The following ANKRD11 variants were observed in gnomAD, a reference collection of about 807,000 sequenced individuals.
ANKRD11 encodes ankyrin repeat domain-containing protein 11.
Under a neutral mutation model 195.7 loss-of-function variants are expected in ANKRD11, and 17 were observed. The ratio of observed to expected loss-of-function variants is 0.09; its 90% CI spans 0.06 to 0.13. The LOEUF (loss-of-function observed/expected upper bound fraction) is 0.13. Among genes scored for constraint, ANKRD11 ranks in the 10% least tolerant of loss-of-function variants. The pLI, the probability that ANKRD11 is intolerant of heterozygous loss-of-function variation, is 1.00. For missense variants in ANKRD11, 3,735 were observed against 3,566.1 expected, an observed-to-expected ratio of 1.05 and a Z score of -1.21; for synonymous variants, 1,953 against 1,528.1, an observed-to-expected ratio of 1.28 and a Z score of -6.49.
intron 2 of ANKRD11, among the ~76,000 whole-genome samples, chr16:89,378,384 T>C (rs1454571944): frequency 6.6e-6 from 1 of 152,208 alleles, no homozygotes; most frequent in Non-Finnish European, 1.5e-5. Flanking sequence ...ATATAATGAT[T>C]TCATCAACGT....
Position 89,342,040 on chromosome 16 carries a change from C to A in ANKRD11, c.-59-24962G>T, listed in dbSNP as rs955908182. On this transcript the variant is annotated intron_variant, in intron 2 of 12. Coordinates refer to ENST00000301030, the MANE Select transcript of ANKRD11 (RefSeq NM_013275.6). ...AGTGCTGCACCTCCACTGCCCACAG[C>A]GGCCACGGCCCACGGCGGGAGTGCT... 2.1e-3 allele frequency among the ~76,000 whole-genome samples: 183 copies of A among 88,856 alleles called. 3 individuals are homozygous for A. The highest frequency in any genetic ancestry group is 0.014 in the Middle Eastern group (2 of 140). The allele number at this position is 88,856 out of a possible 152,430, so 58.3% of individuals were successfully genotyped here.
At chr16:89,418,123 A>T (rs1302522451) in intron 2 of ANKRD11, among the ~76,000 whole-genome samples, 161 bp downstream of exon 2, 1 of 152,276 alleles carries the variant, frequency 6.6e-6, no homozygotes, top group African/African-American at 2.4e-5. Flanking sequence ...TACCACTCTG[A>T]ATACACTCTA....
intron 1 of ANKRD11, among the ~76,000 whole-genome samples, chr16:89,471,999 C>T (rs1159282620): frequency 6.6e-6 from 1 of 152,022 alleles, no homozygotes; most frequent in African/African-American, 2.4e-5. Context: ...GACACATCTC[C>T]TAGAATAAAA....
At chr16:89,485,457 G>A (rs901831663) in intron 1 of ANKRD11, among the ~76,000 whole-genome samples, 2 of 152,118 alleles carry the variant, frequency 1.3e-5, no homozygotes, top group African/African-American at 2.4e-5. Context: ...TCGTGCCACT[G>A]CACTCCAGCC....
At chr16:89,309,257 T>C (rs959024877) in intron 3 of ANKRD11, among the ~76,000 whole-genome samples, 1 of 152,056 alleles carries the variant, frequency 6.6e-6, no homozygotes, top group African/African-American at 2.4e-5. Context: ...AGGGAGAGAA[T>C]GCCAACAGGA....
At chr16:89,401,903 A>C (rs1357589335) in intron 2 of ANKRD11, among the ~76,000 whole-genome samples, 20 of 125,094 alleles carry the variant, frequency 1.6e-4, no homozygotes, top group South Asian at 2.9e-4. Context: ...AGACTCCCCC[A>C]TCCCCCAGAA....
rs185788175 is a variant in ANKRD11 at position 89,382,237 on chromosome 16, C to G, written c.-60+36047G>C. Among the ~76,000 whole-genome samples, 4 of 152,214 alleles carry G rather than the reference C, an allele frequency of 2.6e-5. No homozygotes were observed. In the East Asian group the frequency reaches 7.7e-4, roughly 29 times the overall value. ...GCCACTGACCAGGGCAGGAGTGACC[C>G]AAGCAAAGTTAAAAGGTGTCTAGAA... On this transcript the variant is annotated intron_variant, in intron 2 of 12. Coordinates refer to ENST00000301030, the MANE Select transcript of ANKRD11 (RefSeq NM_013275.6).
chr16:89,280,524 C>T lies in ANKRD11; in HGVS notation c.6018G>A (p.Gly2006=). 6.2e-7 allele frequency: 1 copy of T among 1,611,300 alleles called. No homozygotes were observed. Among genetic ancestry groups the T allele is most frequent in the Non-Finnish European group, 8.5e-7 (1 of 1,179,402 alleles). ...PADPLHSAAP[G]PFSASEAPYP... Reference sequence around the variant, plus strand: ...ACGGCGCCTCCGAGGCGCTGAAGGGCCCTGGGGCGGCAGAGTGGAGGGGGT... The same window carrying T: ...ACGGCGCCTCCGAGGCGCTGAAGGGTCCTGGGGCGGCAGAGTGGAGGGGGT... The change falls in exon 9 of 13, where the codon GGG becomes GGA. Residue 2006 remains glycine, a synonymous_variant. Transcript: ENST00000301030.
At chr16:89,296,979 CAGTGTCCAGGA>C (rs1415309395) in intron 4 of ANKRD11, among the ~76,000 whole-genome samples, 1 of 152,192 alleles carries the variant, frequency 6.6e-6, no homozygotes, top group Admixed American at 6.5e-5. Flanking sequence ...CCTGATAGCC[CAGTGTCCAGGA>C]AGTGTGGCCC....
At chr16:89,375,443 C>A (rs2040380623) in intron 2 of ANKRD11, among the ~76,000 whole-genome samples, 1 of 144,548 alleles carries the variant, frequency 6.9e-6, no homozygotes, top group Non-Finnish European at 1.5e-5. Context: ...CCCGCCCAGG[C>A]AACACAGCAA....
intron 11 of ANKRD11, chr16:89,272,182 A>G (rs1008590673): frequency 6.6e-5 from 10 of 152,226 alleles, no homozygotes; most frequent in African/African-American, 2.2e-4. Flanking sequence ...GCAATTCAAA[A>G]CTACCGTGAG....
chr16:89,298,923 T>C (rs1357828191), intron 4 of ANKRD11: 1 of 152,250 alleles, frequency 6.6e-6, no homozygotes, highest in Non-Finnish European at 1.5e-5. Flanking sequence ...AGTGCCTGAA[T>C]GTGGTGGCTC....
chr16:89,459,698 C>T (rs1217849866), intron 1 of ANKRD11, among the ~76,000 whole-genome samples: 1 of 152,080 alleles, frequency 6.6e-6, no homozygotes, highest in Non-Finnish European at 1.5e-5. Flanking sequence ...GTGGCCCATG[C>T]TTGTAATCCC....
At chr16:89,464,556 C>G (rs555470224) in intron 1 of ANKRD11, among the ~76,000 whole-genome samples, 43 of 136,932 alleles carry the variant, frequency 3.1e-4, no homozygotes, top group African/African-American at 1.1e-3. Flanking sequence ...TGTAGTGAGC[C>G]AAGATCGCAA....
At chr16:89,384,879 C>CTTTTTTTTTTTTTCTTTTTTTTTTTTTTT (rs2040834686) in intron 2 of ANKRD11, among the ~76,000 whole-genome samples, 1 of 49,910 alleles carries the variant, frequency 2.0e-5, no homozygotes, top group Non-Finnish European at 3.5e-5. Flanking sequence ...AAATAGTTTT[C>CTTTTTTTTTTTTTCTTTTTTTTTTTTTTT]TTTTTTTTTT....
chr16:89,282,598 G>A lies in ANKRD11; in HGVS notation c.3944C>T (p.Pro1315Leu), dbSNP rs186068075. 92 of 1,614,158 alleles carry A rather than the reference G, an allele frequency of 5.7e-5. No individual in the cohort carries two copies. The highest frequency in any genetic ancestry group is 7.1e-5 in the Non-Finnish European group (84 of 1,180,026). Residue 1315 changes from proline (P) to leucine (L), a missense_variant, in exon 9 of 13, where the codon CCG becomes CTG. Coordinates refer to ENST00000301030, the MANE Select transcript of ANKRD11 (RefSeq NM_013275.6). ...SDSFTDRGQE[P>L]GLTAFLEVSF... is the part of the protein sequence containing the mutation. Reference sequence around the variant, plus strand: ...GACCTCCAGGAAGGCAGTCAGCCCCGGCTCCTGCCCTCGGTCCGTGAAGCT... The same window carrying A: ...GACCTCCAGGAAGGCAGTCAGCCCCAGCTCCTGCCCTCGGTCCGTGAAGCT...
intron 2 of ANKRD11, among the ~76,000 whole-genome samples, chr16:89,405,223 G>A (rs1314755208): frequency 6.6e-6 from 1 of 152,146 alleles, no homozygotes; most frequent in Non-Finnish European, 1.5e-5. Context: ...AAATCTTGTG[G>A]AAGGAGGTAC....
At chr16:89,354,526 G>A (rs914466244) in intron 2 of ANKRD11, among the ~76,000 whole-genome samples, 5 of 152,222 alleles carry the variant, frequency 3.3e-5, no homozygotes, top group African/African-American at 1.2e-4. Context: ...TCTTGATAGG[G>A]AGGGCACTTC....
At chr16:89,360,196 T>C (rs571553673) in intron 2 of ANKRD11, among the ~76,000 whole-genome samples, 37 of 152,240 alleles carry the variant, frequency 2.4e-4, no homozygotes, top group Non-Finnish European at 5.0e-4. Context: ...CTGAGGCTAA[T>C]AGCCTCCAGC....
Sources: allele counts gnomAD v4.1 joint callset (sites outside exome capture counted in the v4.1 genomes callset), GRCh38; gene constraint gnomAD v4.1.1; transcripts MANE v1.5; gene names NCBI Gene and HGNC (gene_info 2026-07-23, HGNC 2026-07-21).